The following ZNF248 variants were observed in gnomAD, a reference collection of about 807,000 sequenced individuals.
ZNF248 encodes KRAB protein domain.
Under a neutral mutation model 44.3 loss-of-function variants are expected in ZNF248, and 20 were observed. The observed-to-expected ratio is 0.45, with a 90% CI of 0.32 to 0.66. The LOEUF (loss-of-function observed/expected upper bound fraction) is 0.66. ZNF248 is among the 30% of genes least tolerant of loss of function. The pLI is 0.04. For missense variants in ZNF248, 654 were observed against 677.0 expected, an observed-to-expected ratio of 0.97 and a Z score of 0.38; for synonymous variants, 224 against 229.0, an observed-to-expected ratio of 0.98 and a Z score of 0.20.
chr10:37,831,538 A>T lies in ZNF248; in HGVS notation c.*77T>A. 1 of 1,521,662 alleles carries T rather than the reference A, an allele frequency of 6.6e-7. No individual in the cohort carries two copies. The highest frequency in any genetic ancestry group is 8.8e-7 in the Non-Finnish European group (1 of 1,138,068). 94.3% of individuals were successfully genotyped at this position (1,521,662 alleles called of 1,614,324 possible). A position where few individuals can be genotyped will look rare whatever the true frequency, so the allele number is the denominator to read the frequency against. ...AGAAGTCATTTTCTACAAATTTCTG[A>T]CATTCTTTGGCTTTCTCTGATCTCC... On this transcript the variant is annotated 3_prime_UTR_variant, in exon 6 of 6. Coordinates refer to ENST00000395867, the MANE Select transcript of ZNF248 (RefSeq NM_021045.3).
chr10:37,781,090 C>G (rs1453812599), intron 6 of ZNF248, among the ~76,000 whole-genome samples: 2 of 152,094 alleles, frequency 1.3e-5, no homozygotes, highest in Non-Finnish European at 2.9e-5. Flanking sequence ...TCTTGTCTAC[C>G]CAGAACCCTA....
Position 37,819,244 on chromosome 10 carries a change from G to A in ZNF248, c.330+13781C>T, listed in dbSNP as rs556740893. On this transcript the variant is annotated intron_variant, in intron 6 of 6. Coordinates refer to the ZNF248 transcript ENST00000615949. ...AGGCCTCTTTCTCTGACATTAATTT[G>A]TGCCGTTTCAGATAGAAGTTTAGAT... 5 of 853,768 alleles carry A rather than the reference G, an allele frequency of 5.9e-6. 1 individual carries two copies. The South Asian group carries it at 6.7e-5, about 11-fold the overall frequency. The allele number at this position is 853,768 out of a possible 1,614,324, so 52.9% of individuals were successfully genotyped here. A position where few individuals can be genotyped will look rare whatever the true frequency, so the allele number is the denominator to read the frequency against.
intron 6 of ZNF248, among the ~76,000 whole-genome samples, chr10:37,813,704 T>C (rs79673799): frequency 0.026 from 4,032 of 152,326 alleles, 83 homozygotes; most frequent in South Asian, 0.043. Flanking sequence ...TTCTGGTCAA[T>C]AGTATGCCAC....
chr10:37,822,393 C>CTA (rs201530165), intron 6 of ZNF248, among the ~76,000 whole-genome samples: 9 of 151,748 alleles, frequency 5.9e-5, no homozygotes, highest in Admixed American at 4.6e-4. Context: ...CTTGGAAAAA[C>CTA]TATATATATA....
Position 37,819,422 on chromosome 10 carries a change from C to A in ZNF248, c.330+13603G>T, listed in dbSNP as rs1589427375. The A allele has an allele frequency of 1.0e-5, 16 of 1,565,382 alleles. No individual in the cohort carries two copies. The East Asian group carries it at 3.6e-4, about 35-fold the overall frequency. ...GTGGTAATTCTCCTTTTTCTCATCT[C>A]TCCAGTTTTTATTTAACTGGTGAAT... On this transcript the variant is annotated intron_variant, in intron 6 of 6. Coordinates refer to the ZNF248 transcript ENST00000615949.
intron 6 of ZNF248, among the ~76,000 whole-genome samples, chr10:37,790,078 A>T (rs1333770420): frequency 2.0e-5 from 3 of 148,734 alleles, no homozygotes; most frequent in Non-Finnish European, 4.5e-5. Flanking sequence ...TGGCTAACAC[A>T]GTGAAACCCC....
chr10:37,783,549 AATG>A (rs1301138439), intron 6 of ZNF248, among the ~76,000 whole-genome samples: 1 of 152,248 alleles, frequency 6.6e-6, no homozygotes, highest in Non-Finnish European at 1.5e-5. Context: ...TTGTGCATCA[AATG>A]ATGTTATCAA....
At position 37,830,539 on chromosome 10, in the gene ZNF248, T is replaced by C. The variant is rs1033833859; in HGVS notation, c.*1076A>G. ...GACGTGGTTCAGCTGTAAATGGCCATAGCCATTTATTTATGTCAGGAAATA... is the reference window on the plus strand; with the variant it reads ...GACGTGGTTCAGCTGTAAATGGCCACAGCCATTTATTTATGTCAGGAAATA... On this transcript the variant is annotated 3_prime_UTR_variant, in exon 6 of 6. Coordinates refer to ENST00000395867, the MANE Select transcript of ZNF248 (RefSeq NM_021045.3). The C allele has an allele frequency of 7.1e-6, 7 of 985,300 alleles. No homozygotes were observed. Among genetic ancestry groups the C allele is most frequent in the African/African-American group, 7.0e-5 (4 of 57,256 alleles). 61.0% of individuals were successfully genotyped at this position (985,300 alleles called of 1,614,324 possible).
downstream of ZNF248, among the ~76,000 whole-genome samples, chr10:37,828,534 C>G (rs879257595): frequency 1.3e-5 from 2 of 152,132 alleles, no homozygotes; most frequent in Non-Finnish European, 2.9e-5. Flanking sequence ...TATTTTACAA[C>G]AAACTATCAT....
At chr10:37,806,320 C>G (rs1325523983) in intron 6 of ZNF248, among the ~76,000 whole-genome samples, 1 of 152,160 alleles carries the variant, frequency 6.6e-6, no homozygotes, top group Non-Finnish European at 1.5e-5. Flanking sequence ...ATTTTACATT[C>G]CTATCAACAA....
chr10:37,827,570 G>A (rs1189270574), downstream of ZNF248, among the ~76,000 whole-genome samples: 2 of 152,194 alleles, frequency 1.3e-5, no homozygotes, highest in African/African-American at 4.8e-5. Context: ...GTGGTAGGTT[G>A]GGAAAAGGGA....
chr10:37,793,866 G>A (rs2048838205), intron 6 of ZNF248, among the ~76,000 whole-genome samples: 1 of 152,096 alleles, frequency 6.6e-6, no homozygotes, highest in Non-Finnish European at 1.5e-5. Flanking sequence ...CAAAAACTGT[G>A]ATGACATTTC....
At chr10:37,790,569 G>A (rs1360692652) in intron 6 of ZNF248, among the ~76,000 whole-genome samples, 1 of 151,868 alleles carries the variant, frequency 6.6e-6, no homozygotes, top group Non-Finnish European at 1.5e-5. Flanking sequence ...AATTAGCTGG[G>A]CGTAGTGGCG....
chr10:37,842,237 G>A (rs2058475025), intron 3 of ZNF248, among the ~76,000 whole-genome samples: 1 of 152,056 alleles, frequency 6.6e-6, no homozygotes, highest in African/African-American at 2.4e-5. Flanking sequence ...AAGAGGACAA[G>A]ATTAATGAAG....
At chr10:37,816,338 T>C (rs901217887) in intron 6 of ZNF248, among the ~76,000 whole-genome samples, 2 of 152,202 alleles carry the variant, frequency 1.3e-5, no homozygotes, top group African/African-American at 4.8e-5. Flanking sequence ...AGTTCCCCAA[T>C]ATTTGCAGGA....
At chr10:37,791,966 G>C (rs1273755997) in intron 6 of ZNF248, 1 of 152,224 alleles carries the variant, frequency 6.6e-6, no homozygotes, top group Non-Finnish European at 1.5e-5. Flanking sequence ...AAGGGCCATA[G>C]GATGGGCAGC....
chr10:37,767,612 C>A, the ZNF248 span, among the ~76,000 whole-genome samples: 3 of 152,132 alleles, frequency 2.0e-5, no homozygotes, highest in African/African-American at 7.2e-5. Context: ...CCTAAAATAG[C>A]TCCTGAAAGA....
intron 6 of ZNF248, among the ~76,000 whole-genome samples, chr10:37,821,962 A>G (rs1192725968): frequency 6.6e-6 from 1 of 152,180 alleles, no homozygotes; most frequent in Non-Finnish European, 1.5e-5. Context: ...TCTCCAAAGG[A>G]TAAAGGCTAA....
the ZNF248 span, among the ~76,000 whole-genome samples, chr10:37,761,025 T>A: frequency 4.0e-5 from 6 of 151,838 alleles, no homozygotes; most frequent in African/African-American, 9.7e-5. Flanking sequence ...AAGAAAGGAG[T>A]CATTGCTTCC....
Sources: gnomAD v4.1 joint callset for allele counts (sites outside exome capture counted in the v4.1 genomes callset) on GRCh38, gnomAD v4.1.1 for gene constraint, MANE v1.5 for transcripts, NCBI Gene and HGNC (gene_info 2026-07-23, HGNC 2026-07-21) for gene names.